The following KCNIP4 variants were observed in gnomAD, a reference collection of about 807,000 sequenced individuals.
KCNIP4 encodes the protein Kv channel-interacting protein 4.
A neutral mutation model predicts 34.0 loss-of-function variants in KCNIP4; 12 were observed. The observed-to-expected ratio is 0.35, with a 90% CI of 0.23 to 0.57. The LOEUF (loss-of-function observed/expected upper bound fraction) is 0.57. Among genes scored for constraint, KCNIP4 ranks in the 20% least tolerant of loss-of-function variants. The pLI is 0.83. For synonymous variants in KCNIP4, 124 were observed against 102.2 expected, an observed-to-expected ratio of 1.21 and a Z score of -1.29; for missense variants, 238 against 311.7, an observed-to-expected ratio of 0.76 and a Z score of 1.78.
At chr4:20,928,940 C>T (rs1031271506) in intron 1 of KCNIP4, among the ~76,000 whole-genome samples, 4 of 151,928 alleles carry the variant, frequency 2.6e-5, no homozygotes, top group African/African-American at 9.7e-5. Flanking sequence ...GAGATGGCTT[C>T]ATGAATGAAT....
At chr4:21,094,048 C>T (rs1402519895) in intron 1 of KCNIP4, among the ~76,000 whole-genome samples, 2 of 151,810 alleles carry the variant, frequency 1.3e-5, no homozygotes, top group Non-Finnish European at 2.9e-5. Flanking sequence ...CGCCACTGTA[C>T]TCCAGCCTGG....
At chr4:21,810,444 A>G (rs1721566628) in intron 1 of KCNIP4, among the ~76,000 whole-genome samples, 1 of 152,100 alleles carries the variant, frequency 6.6e-6, no homozygotes, top group South Asian at 2.1e-4. Flanking sequence ...TAATCCCAGC[A>G]CATTGGGAGG....
chr4:21,076,315 A>G (rs1212206266), intron 1 of KCNIP4, among the ~76,000 whole-genome samples: 2 of 152,048 alleles, frequency 1.3e-5, no homozygotes, highest in Admixed American at 6.6e-5. Flanking sequence ...TCCCACATGA[A>G]TATTCTCTGA....
intron 1 of KCNIP4, among the ~76,000 whole-genome samples, chr4:21,008,717 G>T (rs2149728618): frequency 6.6e-6 from 1 of 151,582 alleles, no homozygotes; most frequent in Admixed American, 6.6e-5. Context: ...GTAGAGACGG[G>T]GTTTCACCGT....
intron 1 of KCNIP4, among the ~76,000 whole-genome samples, chr4:20,996,124 C>T (rs557773138): frequency 3.9e-5 from 6 of 152,220 alleles, no homozygotes; most frequent in African/African-American, 1.4e-4. Flanking sequence ...TAAACAAATC[C>T]AATCAACAAA....
intron 1 of KCNIP4, among the ~76,000 whole-genome samples, chr4:21,170,756 A>T (rs1324127217): frequency 2.0e-5 from 3 of 152,218 alleles, no homozygotes; most frequent in Admixed American, 1.3e-4. Flanking sequence ...ACATATTTAT[A>T]ACATATATGA....
intron 1 of KCNIP4, among the ~76,000 whole-genome samples, chr4:21,104,745 T>A (rs1748331913): frequency 6.6e-6 from 1 of 151,768 alleles, no homozygotes; most frequent in African/African-American, 2.4e-5. Context: ...ATATAAGTCT[T>A]TAATCCACCT....
intron 1 of KCNIP4, among the ~76,000 whole-genome samples, chr4:21,413,477 C>A (rs568150005): frequency 1.3e-5 from 2 of 152,310 alleles, no homozygotes; most frequent in African/African-American, 4.8e-5. Flanking sequence ...AAATTTAACT[C>A]CCTTTGTAAA....
intron 1 of KCNIP4, among the ~76,000 whole-genome samples, chr4:21,594,784 T>C (rs1036322158): frequency 7.5e-6 from 1 of 133,644 alleles, no homozygotes; most frequent in African/African-American, 3.1e-5. Flanking sequence ...CAAACCACAT[T>C]TCTTAATCCA....
At chr4:20,758,793 A>C (rs1466241988) in intron 4 of KCNIP4, 28 bp downstream of exon 4, 2 of 1,554,560 alleles carry the variant, frequency 1.3e-6, no homozygotes, top group East Asian at 2.2e-5. Context: ...CTCTGATAGT[A>C]TGTTAACAAG....
intron 1 of KCNIP4, among the ~76,000 whole-genome samples, chr4:20,927,804 C>T (rs1415964631): frequency 6.6e-6 from 1 of 152,092 alleles, no homozygotes; most frequent in Non-Finnish European, 1.5e-5. Context: ...TGAATAGTAA[C>T]ACTGTCATCA....
At chr4:21,816,130 A>C (rs1472050678) in intron 1 of KCNIP4, among the ~76,000 whole-genome samples, 1 of 152,152 alleles carries the variant, frequency 6.6e-6, no homozygotes, top group Non-Finnish European at 1.5e-5. Flanking sequence ...AACTCATTTA[A>C]AAGAGCAACT....
intron 1 of KCNIP4, among the ~76,000 whole-genome samples, chr4:21,774,556 G>A (rs1347658356): frequency 6.6e-6 from 1 of 152,130 alleles, no homozygotes; most frequent in Non-Finnish European, 1.5e-5. Flanking sequence ...CGTTCTCCCT[G>A]TCTCCTTCTG....
chr4:20,856,837 A>T (rs947474113), intron 2 of KCNIP4, among the ~76,000 whole-genome samples: 5 of 152,166 alleles, frequency 3.3e-5, no homozygotes, highest in African/African-American at 4.8e-5. Context: ...CAGTCATAAC[A>T]TAACCTTGTC....
At chr4:21,094,443 A>G (rs1205237672) in intron 1 of KCNIP4, among the ~76,000 whole-genome samples, 1 of 152,228 alleles carries the variant, frequency 6.6e-6, no homozygotes. Flanking sequence ...GAAGATTGCC[A>G]GAGATGTGAA....
chr4:21,104,389 C>T (rs1296973002), intron 1 of KCNIP4, among the ~76,000 whole-genome samples: 1 of 152,172 alleles, frequency 6.6e-6, no homozygotes, highest in Non-Finnish European at 1.5e-5. Context: ...GCACAAATGT[C>T]TTCTTTTGAG....
chr4:21,737,118 T>C (rs1404931919), intron 1 of KCNIP4, among the ~76,000 whole-genome samples: 1 of 152,184 alleles, frequency 6.6e-6, no homozygotes, highest in East Asian at 1.9e-4. Flanking sequence ...CTGGTGCCTA[T>C]TTAGTGACCA....
intron 1 of KCNIP4, among the ~76,000 whole-genome samples, chr4:21,241,329 T>C (rs942256486): frequency 1.2e-4 from 18 of 152,094 alleles, no homozygotes; most frequent in Non-Finnish European, 2.6e-4. Flanking sequence ...TTTTCTAAAG[T>C]TTATATGGGT....
chr4:21,247,642 T>C (rs938050755), intron 1 of KCNIP4, among the ~76,000 whole-genome samples: 1 of 130,464 alleles, frequency 7.7e-6, no homozygotes, highest in Non-Finnish European at 1.5e-5. Flanking sequence ...GATATATCTA[T>C]ATATTTATAT....
Sources: allele counts gnomAD v4.1 joint callset (sites outside exome capture counted in the v4.1 genomes callset), GRCh38; gene constraint gnomAD v4.1.1; transcripts MANE v1.5; gene names NCBI Gene and HGNC (gene_info 2026-07-23, HGNC 2026-07-21).